SUMF2: variants seen among roughly 807,000 people sequenced by gnomAD.
The protein encoded by SUMF2 is inactive C-alpha-formylglycine-generating enzyme 2.
Under a neutral mutation model 44.8 loss-of-function variants are expected in SUMF2, and 45 were observed. That is an observed-to-expected ratio of 1.00 (90% CI 0.79 to 1.29). The LOEUF (loss-of-function observed/expected upper bound fraction) is 1.29, where lower values mean the gene tolerates loss of function less well. Ranked by LOEUF, SUMF2 falls within the 50% of genes most tolerant of loss-of-function variation. The pLI is 0.00. For synonymous variants in SUMF2, 148 were observed against 150.4 expected, an observed-to-expected ratio of 0.98 and a Z score of 0.12; for missense variants, 418 against 389.9, an observed-to-expected ratio of 1.07 and a Z score of -0.61.
At position 56,080,153 on chromosome 7, in the gene SUMF2, C is replaced by T. The variant is rs1795882593; in HGVS notation, c.*541C>T. ...TAACTATTTAAAGCACAGTTCAGTC[C>T]TAAAAGGGTCTGGGAGAACCAGATG... On this transcript the variant is annotated 3_prime_UTR_variant, in exon 9 of 9. Transcript: ENST00000434526. 2.6e-6 allele frequency: 1 copy of T among 385,008 alleles called. No individual in the cohort carries two copies. The highest frequency in any genetic ancestry group is 4.7e-6 in the Non-Finnish European group (1 of 213,648). The allele number at this position is 385,008 out of a possible 1,614,324, so 23.8% of individuals were successfully genotyped here. A position where few individuals can be genotyped will look rare whatever the true frequency, so the allele number is the denominator to read the frequency against.
At chr7:56,068,031 CTTTTTTTTTT>C (rs565131237) in intron 1 of SUMF2, among the ~76,000 whole-genome samples, 4 of 110,350 alleles carry the variant, frequency 3.6e-5, no homozygotes, top group Admixed American at 9.8e-5. Context: ...TTTTTTCTTT[CTTTTTTTTTT>C]TTTTTTTTTT....
At chr7:56,081,317 G>C, downstream of SUMF2, 1 of 1,595,650 alleles carries the variant, frequency 6.3e-7, no homozygotes, top group Non-Finnish European at 8.5e-7. The surrounding 1 kb of genome is among the most constrained non-coding windows in gnomAD (Gnocchi z 4.6). Flanking sequence ...GCCAGGCGGA[G>C]AAGCTGGGCT....
downstream of SUMF2, chr7:56,081,638 TC>T: frequency 6.2e-7 from 1 of 1,613,300 alleles, no homozygotes; most frequent in Non-Finnish European, 8.5e-7. The surrounding 1 kb of genome is among the most constrained non-coding windows in gnomAD (Gnocchi z 4.6). Context: ...ACCTTGAACT[TC>T]CCCCGGGGGC....
intron 8 of SUMF2, 38 bp from the exon 9 acceptor site, chr7:56,079,490 A>G: frequency 6.3e-7 from 1 of 1,581,162 alleles, no homozygotes; most frequent in Non-Finnish European, 8.6e-7. Flanking sequence ...CCTTTTTCTC[A>G]GGACGTGTCT....
rs199575961 is a variant in SUMF2 at position 56,072,955 on chromosome 7, C to A, written c.225-42C>A. ...GGAGCAGGAGAAGATGGGGTGGGCACAGAACCTCACCAGCTGAACCAGCTG... is the reference window on the plus strand; with the variant it reads ...GGAGCAGGAGAAGATGGGGTGGGCAAAGAACCTCACCAGCTGAACCAGCTG... On this transcript the variant is annotated intron_variant, in intron 2 of 8. Transcript: ENST00000434526. The A allele has an allele frequency of 1.2e-3, 1,798 of 1,511,250 alleles. 3 individuals carry two copies. The highest frequency in any genetic ancestry group is 1.3e-3 in the Non-Finnish European group (1,448 of 1,090,490). The allele number at this position is 1,511,250 out of a possible 1,614,324, so 93.6% of individuals were successfully genotyped here. A position where few individuals can be genotyped will look rare whatever the true frequency, so the allele number is the denominator to read the frequency against.
Position 56,078,345 on chromosome 7 carries a change from C to T in SUMF2, c.677-19C>T. ...GTCGGCGGGTCCCAGCCTGGCCTGA[C>T]CCGCCGGTGGGGCTGCAGGGCTCTA... On this transcript the variant is annotated intron_variant, in intron 7 of 8. Coordinates refer to ENST00000434526, the MANE Select transcript of SUMF2 (RefSeq NM_015411.4). 1 of 1,581,236 alleles carries T rather than the reference C, an allele frequency of 6.3e-7. No homozygotes were observed. Among genetic ancestry groups the T allele is most frequent in the Non-Finnish European group, 8.6e-7 (1 of 1,161,254 alleles).
rs1013402742 is a variant in SUMF2 at position 56,072,980 on chromosome 7, G to C, written c.225-17G>C. The C allele has an allele frequency of 6.2e-7, 1 of 1,605,686 alleles. No individual in the cohort carries two copies. Among genetic ancestry groups the C allele is most frequent in the Middle Eastern group, 1.7e-4 (1 of 6,046 alleles). ...CAGAACCTCACCAGCTGAACCAGCT[G>C]AACTATGTCTTTATAGGGATTTTGT... On this transcript the variant is annotated splice_polypyrimidine_tract_variant and intron_variant, in intron 2 of 8. Coordinates refer to ENST00000434526, the MANE Select transcript of SUMF2 (RefSeq NM_015411.4).
the SUMF2 span, chr7:56,087,619 C>T: frequency 2.5e-6 from 4 of 1,613,798 alleles, no homozygotes; most frequent in South Asian, 2.2e-5. Context: ...TGCCCTGAGA[C>T]CTTGCGCAGG....
At chr7:56,079,453 A>C in intron 8 of SUMF2, 75 bp from the exon 9 acceptor site, 1 of 1,429,042 alleles carries the variant, frequency 7.0e-7, no homozygotes, top group East Asian at 2.3e-5. Flanking sequence ...CCTGCGGATG[A>C]GGCAGGCAAG....
At chr7:56,083,758 AC>A, downstream of SUMF2, 2 of 1,336,106 alleles carry the variant, frequency 1.5e-6, no homozygotes, top group Non-Finnish European at 2.1e-6. Context: ...TCCCAAGACC[AC>A]CACTGCCCTT....
the SUMF2 span, chr7:56,087,595 C>T: frequency 1.2e-6 from 2 of 1,611,738 alleles, no homozygotes; most frequent in African/African-American, 1.3e-5. Context: ...GGCCATCACT[C>T]ACTGATGTTG....
At chr7:56,081,445 G>T, downstream of SUMF2, 1 of 1,290,518 alleles carries the variant, frequency 7.7e-7, no homozygotes, top group Non-Finnish European at 1.1e-6. The surrounding 1 kb of genome is among the most constrained non-coding windows in gnomAD (Gnocchi z 4.6). Context: ...TTCCCACTTG[G>T]CCAGCATCCT....
chr7:56,067,894 G>GAAA (rs71015177), intron 1 of SUMF2, among the ~76,000 whole-genome samples: 1 of 72,824 alleles, frequency 1.4e-5, no homozygotes, highest in Non-Finnish European at 2.7e-5. Flanking sequence ...ATCCTGTCAC[G>GAAA]AAAAAAAAAA....
intron 1 of SUMF2, 63 bp downstream of exon 1, chr7:56,064,441 G>C: frequency 6.5e-7 from 1 of 1,548,336 alleles, no homozygotes; most frequent in Non-Finnish European, 8.7e-7. Context: ...CCGCCCTGAC[G>C]GGAGAGAGCC....
chr7:56,074,705 G>C lies in SUMF2; in HGVS notation c.504G>C (p.Glu168Asp). Residue 168 changes from glutamate to aspartate, a missense_variant, in exon 5 of 9, where the codon GAG (glutamate) becomes GAC (aspartate). Physicochemically the swap from Glu to Asp is conservative, Grantham distance 45. Transcript: ENST00000434526. ...WRGKRLPTEEEWEFAARGGLK... is the reference protein window; with the variant it reads ...WRGKRLPTEEDWEFAARGGLK... ...GAAAACGACTGCCCACGGAGGAAGAGTGGGAGTTTGCCGCCCGAGGGGGCT... is the reference window on the plus strand; with the variant it reads ...GAAAACGACTGCCCACGGAGGAAGACTGGGAGTTTGCCGCCCGAGGGGGCT... The C allele has an allele frequency of 3.7e-6, 6 of 1,614,180 alleles. No homozygotes were observed. The highest frequency in any genetic ancestry group is 5.1e-6 in the Non-Finnish European group (6 of 1,180,032).
chr7:56,066,443 T>A (rs11772545), intron 1 of SUMF2, among the ~76,000 whole-genome samples: 26,611 of 152,154 alleles, frequency 0.17, 2,617 homozygotes, highest in Admixed American at 0.24. Context: ...CTTTTTTATT[T>A]TTTATTTATT....
At position 56,064,291 on chromosome 7, in the gene SUMF2, C is replaced by A. The variant is rs1239709280; in HGVS notation, c.-21C>A. On this transcript the variant is annotated 5_prime_UTR_variant, in exon 1 of 9. Coordinates refer to ENST00000434526, the MANE Select transcript of SUMF2 (RefSeq NM_015411.4). ...TGCGCAGCGGGGCCGTGGGTGTACG[C>A]GGCGCAGCGCGGCAGTCCTGATGGC... The A allele has an allele frequency of 5.7e-6, 9 of 1,576,636 alleles. No individual in the cohort carries two copies. The highest frequency in any genetic ancestry group is 1.3e-5 in the African/African-American group (1 of 74,210).
At chr7:56,083,068 T>G (rs1796089353), downstream of SUMF2, 3 of 488,454 alleles carry the variant, frequency 6.1e-6, no homozygotes, top group Non-Finnish European at 1.1e-5. Context: ...ATTGTGCCAC[T>G]GCACTCCAGC....
the SUMF2 span, chr7:56,087,852 A>C: frequency 2.5e-6 from 3 of 1,180,820 alleles, no homozygotes; most frequent in Non-Finnish European, 3.7e-6. Flanking sequence ...GCTGCAGCAG[A>C]GATGTCCTGC....
Sources: allele counts gnomAD v4.1 joint callset (sites outside exome capture counted in the v4.1 genomes callset), GRCh38; gene constraint gnomAD v4.1.1; non-coding constraint Gnocchi (gnomAD v3.1); transcripts MANE v1.5; gene names NCBI Gene and HGNC (gene_info 2026-07-23, HGNC 2026-07-21).